The following MYH15 variants were observed in gnomAD, a reference collection of about 807,000 sequenced individuals.
MYH15 encodes the protein myosin-15.
Under a neutral mutation model 240.5 loss-of-function variants are expected in MYH15, and 227 were observed. The ratio of observed to expected loss-of-function variants is 0.94; its 90% CI spans 0.85 to 1.05. MYH15 has a LOEUF of 1.05. MYH15 is among the 50% of genes least tolerant of loss of function. The pLI is 0.00. For synonymous variants in MYH15, 785 were observed against 796.7 expected, an observed-to-expected ratio of 0.99 and a Z score of 0.25; for missense variants, 2,217 against 2,247.5, an observed-to-expected ratio of 0.99 and a Z score of 0.27.
chr3:108,517,182 CCT>C (rs1183456197), intron 1 of MYH15, among the ~76,000 whole-genome samples: 1 of 152,134 alleles, frequency 6.6e-6, no homozygotes, highest in East Asian at 1.9e-4. Flanking sequence ...TCTTTTGCTC[CCT>C]CTTTTCACTA....
rs772485577 is a variant in MYH15, at chr3:108,455,875, G to GA, written c.2139-17dup. Reference sequence around the variant, plus strand: ...AATGCAGTACCTAATTTAAAATAAAGAAAAAATCATGAGTTTGGGAAATCA... The same window carrying GA: ...AATGCAGTACCTAATTTAAAATAAAGAAAAAAATCATGAGTTTGGGAAATCA... On this transcript the variant is annotated splice_polypyrimidine_tract_variant and intron_variant, in intron 19 of 40. Transcript: ENST00000693548. 8 of 1,603,494 alleles carry GA rather than the reference G, an allele frequency of 5.0e-6. No individual in the cohort carries two copies. Among genetic ancestry groups the GA allele is most frequent in the Non-Finnish European group, 6.8e-6 (8 of 1,172,112 alleles).
At chr3:108,412,180 G>A (rs776173013) in intron 30 of MYH15, among the ~76,000 whole-genome samples, 2 of 152,184 alleles carry the variant, frequency 1.3e-5, no homozygotes, top group African/African-American at 4.8e-5. Context: ...ATCTCATCTT[G>A]TAGTTCCCAT....
intron 28 of MYH15, 40 bp downstream of exon 28, chr3:108,421,048 A>G (rs753456646): frequency 1.9e-6 from 3 of 1,611,938 alleles, no homozygotes; most frequent in Non-Finnish European, 2.5e-6. Flanking sequence ...GTCTGCTGGG[A>G]TTGAGAATTG....
rs796493771 is a variant in MYH15, at chr3:108,418,488, T to C, written c.3830-1558A>G. On this transcript the variant is annotated intron_variant, in intron 28 of 40. Coordinates refer to ENST00000693548, the MANE Select transcript of MYH15 (RefSeq NM_014981.3). ...ATCATCGTTGCTTTTGCACCATCAA[T>C]ACAAATGGCAAAATAATTTAAGTTG... Among the ~76,000 whole-genome samples, 16 of 152,316 alleles carry C rather than the reference T, an allele frequency of 1.1e-4. 2 individuals are homozygous for C. Among genetic ancestry groups the C allele is most frequent in the African/African-American group, 3.8e-4 (16 of 41,568 alleles).
At chr3:108,431,335 G>A (rs1189871654) in intron 25 of MYH15, among the ~76,000 whole-genome samples, 1 of 152,166 alleles carries the variant, frequency 6.6e-6, no homozygotes, top group Non-Finnish European at 1.5e-5. Flanking sequence ...ACATGTTGTA[G>A]GGGGGACCCA....
intron 35 of MYH15, among the ~76,000 whole-genome samples, chr3:108,397,458 G>A (rs1188183285): frequency 6.6e-6 from 1 of 152,172 alleles, no homozygotes; most frequent in Non-Finnish European, 1.5e-5. Context: ...CTTTCTGTAG[G>A]GGTGTGCTTG....
intron 28 of MYH15, among the ~76,000 whole-genome samples, chr3:108,420,230 C>T (rs73207913): frequency 0.074 from 11,314 of 152,220 alleles, 569 homozygotes; most frequent in Non-Finnish European, 0.11. Context: ...TCAATAAATG[C>T]CAGGCAGTGT....
chr3:108,421,074 G>A lies in MYH15; in HGVS notation c.3829+14C>T. ...TTGAGAATTGCCTATGAGTCAAGCA[G>A]CATACTTACTTACCACTCTCACTCC... On this transcript the variant is annotated intron_variant, in intron 28 of 40. Coordinates refer to ENST00000693548, the MANE Select transcript of MYH15 (RefSeq NM_014981.3). 1 of 1,613,756 alleles carries A rather than the reference G, an allele frequency of 6.2e-7. No individual in the cohort carries two copies. The highest frequency in any genetic ancestry group is 8.5e-7 in the Non-Finnish European group (1 of 1,179,786).
Position 108,381,150 on chromosome 3 carries a change from T to TA in MYH15, c.*394dup. On this transcript the variant is annotated 3_prime_UTR_variant, in exon 41 of 41. Transcript: ENST00000693548. ...TCAAGCCAAAGTTGCCTAACTTTAG[T>TA]AAAAACCATTCACCAACATGCCCTA... 1 of 197,826 alleles carries TA rather than the reference T, an allele frequency of 5.1e-6. No homozygotes were observed. Among genetic ancestry groups the TA allele is most frequent in the Non-Finnish European group, 1.0e-5 (1 of 97,232 alleles). The allele number at this position is 197,826 out of a possible 1,614,324, so 12.3% of individuals were successfully genotyped here.
intron 31 of MYH15, among the ~76,000 whole-genome samples, chr3:108,409,767 T>C (rs1233349184): frequency 2.0e-5 from 3 of 152,204 alleles, no homozygotes; most frequent in African/African-American, 7.2e-5. Flanking sequence ...CAATTTCTTT[T>C]CCAGGGATCC....
At chr3:108,528,066 G>A (rs777054016) in intron 1 of MYH15, among the ~76,000 whole-genome samples, 14 of 152,186 alleles carry the variant, frequency 9.2e-5, no homozygotes, top group South Asian at 2.1e-4. Context: ...GTATTAATCC[G>A]TTAATGAGGG....
intron 9 of MYH15, among the ~76,000 whole-genome samples, chr3:108,486,941 G>A (rs2083310658): frequency 6.6e-6 from 1 of 152,212 alleles, no homozygotes; most frequent in Admixed American, 6.5e-5. Flanking sequence ...GAACAGACCT[G>A]AGCTTCAAAA....
Position 108,444,765 on chromosome 3 carries a change from G to T in MYH15, c.2530C>A (p.Leu844Met). The T allele has an allele frequency of 6.2e-7, 1 of 1,614,032 alleles. No homozygotes were observed. The highest frequency in any genetic ancestry group is 8.5e-7 in the Non-Finnish European group (1 of 1,179,978). The change falls in exon 22 of 41, where the codon CTG becomes ATG. Residue 844 changes from leucine to methionine, a missense_variant. Coordinates refer to ENST00000693548, the MANE Select transcript of MYH15 (RefSeq NM_014981.3). ...SSEVGEEVAG[L>M]KEECAQLQKA... ...TGTAATTGTGCACACTCTTCCTTCAGTCCAGCTACTTCTTCTCCTACTTCT... is the reference window on the plus strand; with the variant it reads ...TGTAATTGTGCACACTCTTCCTTCATTCCAGCTACTTCTTCTCCTACTTCT...
At chr3:108,506,826 T>A (rs192545721) in intron 1 of MYH15, among the ~76,000 whole-genome samples, 63 of 151,954 alleles carry the variant, frequency 4.1e-4, no homozygotes, top group Admixed American at 7.2e-4. Flanking sequence ...AGGTCAGGAG[T>A]TCGAGACCAG....
chr3:108,454,027 A>G lies in MYH15; in HGVS notation c.2378T>C (p.Phe793Ser). The change falls in exon 21 of 41, where the codon TTC becomes TCC. Residue 793 changes from phenylalanine to serine, a missense_variant. Transcript: ENST00000693548. ...ATACCTTTCTTCCAGAATCTTCTGG[A>G]ATTTGATTCGCATCAGTTTGCCCTG... is the stretch of plus-strand genomic sequence containing the variant. Reference protein sequence around the residue: ...RAQGKLMRIKFQKILEERDAL... With the variant: ...RAQGKLMRIKSQKILEERDAL... 1.2e-5 allele frequency: 20 copies of G among 1,611,606 alleles called. No homozygotes were observed. Among genetic ancestry groups the G allele is most frequent in the Non-Finnish European group, 1.6e-5 (19 of 1,178,328 alleles).
Position 108,388,970 on chromosome 3 carries a change from C to G in MYH15, c.5535G>C (p.Gln1845His), listed in dbSNP as rs896106956. 3 of 1,612,780 alleles carry G rather than the reference C, an allele frequency of 1.9e-6. No individual in the cohort carries two copies. The African/African-American group carries it at 4.0e-5, about 22-fold the overall frequency. ...AACAGGGAATGGTTTCCTGGAGTAC[C>G]TGATAGGTCAGCTCTTTGATGCATC... The part of the protein sequence containing the change: ...LERCIKELTY[Q>H]AEEDKKNLSR... The change falls in exon 38 of 41, where the codon CAG (glutamine) becomes CAC (histidine). Residue 1845 changes from glutamine (Q) to histidine (H), a missense_variant and splice_region_variant. Transcript: ENST00000693548.
intron 32 of MYH15, 109 bp downstream of exon 32, chr3:108,408,171 T>A: frequency 7.9e-7 from 1 of 1,273,166 alleles, no homozygotes; most frequent in Non-Finnish European, 1.1e-6. Context: ...TAGCATATAG[T>A]AAATAAACAT....
chr3:108,503,725 T>C (rs1007601546), intron 2 of MYH15, among the ~76,000 whole-genome samples: 12 of 152,188 alleles, frequency 7.9e-5, no homozygotes, highest in African/African-American at 2.9e-4. Flanking sequence ...GGTAGCCACT[T>C]TGGAAAGCAG....
At chr3:108,526,175 G>A (rs961068093) in intron 1 of MYH15, among the ~76,000 whole-genome samples, 2 of 152,008 alleles carry the variant, frequency 1.3e-5, no homozygotes, top group African/African-American at 4.8e-5. Context: ...GTGATGCTTC[G>A]ATAAACAAAC....
Sources: allele counts gnomAD v4.1 joint callset (sites outside exome capture counted in the v4.1 genomes callset), GRCh38; gene constraint gnomAD v4.1.1; transcripts MANE v1.5; gene names NCBI Gene and HGNC (gene_info 2026-07-23, HGNC 2026-07-21).